Variants in DPP4 observed in about 807,000 individuals in gnomAD.
DPP4 encodes dipeptidyl peptidase 4.
A neutral mutation model predicts 122.4 loss-of-function variants in DPP4; 93 were observed. That is an observed-to-expected ratio of 0.76 (90% CI 0.64 to 0.90). The LOEUF is 0.90. Among genes scored for constraint, DPP4 ranks in the 40% least tolerant of loss-of-function variants. The pLI is 0.00. For missense variants in DPP4, 914 were observed against 907.3 expected (o/e 1.01, Z -0.09); for synonymous variants, 321 against 302.9 (o/e 1.06, Z -0.62).
At position 162,030,413 on chromosome 2, in the gene DPP4, A is replaced by G. The variant is rs145208118; in HGVS notation, c.887+3128T>C. On this transcript the variant is annotated intron_variant, in intron 10 of 25. Coordinates refer to ENST00000360534, the MANE Select transcript of DPP4 (RefSeq NM_001935.4). ...ACAAACCAGCCTCATCCTCCTGTGG[A>G]TTTCACTTGCTGCAGGCTCTGTGGT... 4.1e-3 allele frequency among the ~76,000 whole-genome samples: 628 copies of G among 152,280 alleles called. 3 individuals carry two copies. Among genetic ancestry groups the G allele is most frequent in the African/African-American group, 0.015 (603 of 41,548 alleles).
chr2:162,055,958 C>G (rs1684559354), intron 2 of DPP4, among the ~76,000 whole-genome samples: 1 of 152,232 alleles, frequency 6.6e-6, no homozygotes, highest in African/African-American at 2.4e-5. Flanking sequence ...CACCCAGTGG[C>G]CAGACACACC....
At chr2:162,014,299 GA>G (rs1366262886) in intron 19 of DPP4, 96 bp downstream of exon 19, 189 of 952,542 alleles carry the variant, frequency 2.0e-4, no homozygotes, top group Admixed American at 3.8e-4. Context: ...CAGGAAGAGG[GA>G]AAGGACGCAT....
At chr2:162,065,788 A>G (rs1209563237) in intron 2 of DPP4, among the ~76,000 whole-genome samples, 3 of 152,190 alleles carry the variant, frequency 2.0e-5, no homozygotes, top group Non-Finnish European at 1.5e-5. Flanking sequence ...GTGCTTCCAT[A>G]GCACTTTGAT....
intron 11 of DPP4, 126 bp from the exon 12 acceptor site, chr2:162,022,925 T>A: frequency 1.0e-6 from 1 of 953,718 alleles, no homozygotes; most frequent in Non-Finnish European, 1.7e-6. Context: ...ATTCATATAT[T>A]TCTATTTATG....
intron 8 of DPP4, 110 bp downstream of exon 8, chr2:162,038,192 C>T (rs886817235): frequency 3.7e-6 from 4 of 1,072,096 alleles, no homozygotes; most frequent in Non-Finnish European, 5.2e-6. Context: ...ACATTTTAAA[C>T]AATGAAACTT....
At chr2:162,014,260 G>A in intron 19 of DPP4, 136 bp downstream of exon 19, 2 of 705,550 alleles carry the variant, frequency 2.8e-6, no homozygotes, top group South Asian at 1.8e-5. Context: ...TGGCTGTACA[G>A]TGAAAGGAGG....
rs747418170 is a variant in DPP4 at position 162,016,796 on chromosome 2, T to A, written c.1539A>T (p.Lys513Asn). The change falls in exon 18 of 26, where the codon AAA (lysine) becomes AAT (asparagine). Residue 513 changes from lysine (K) to asparagine (N), a missense_variant. Coordinates refer to ENST00000360534, the MANE Select transcript of DPP4 (RefSeq NM_001935.4). ...TTTCATTCAAAATAATGAAGTCCAGTTTTTTGGAGGGCATCTGGACATTCT... is the reference window on the plus strand; with the variant it reads ...TTTCATTCAAAATAATGAAGTCCAGATTTTTGGAGGGCATCTGGACATTCT... Reference protein sequence around the residue: ...MLQNVQMPSKKLDFIILNETK... With the variant: ...MLQNVQMPSKNLDFIILNETK... The A allele has an allele frequency of 1.3e-5, 21 of 1,612,282 alleles. No homozygotes were observed. In the Admixed American group the frequency reaches 1.3e-4, roughly 10 times the overall value.
intron 15 of DPP4, among the ~76,000 whole-genome samples, 164 bp downstream of exon 15, chr2:162,019,059 C>T (rs1276548985): frequency 1.3e-5 from 2 of 151,840 alleles, no homozygotes; most frequent in Non-Finnish European, 2.9e-5. Flanking sequence ...CGAATAAAGC[C>T]ATTCTCTCTT....
chr2:162,001,541 A>T (rs1701147458), intron 23 of DPP4, among the ~76,000 whole-genome samples: 1 of 152,188 alleles, frequency 6.6e-6, no homozygotes, highest in Admixed American at 6.5e-5. Flanking sequence ...TTTCTAACTG[A>T]CAAAGAATAA....
intron 23 of DPP4, among the ~76,000 whole-genome samples, chr2:162,000,658 G>C (rs1198158254): frequency 6.6e-6 from 1 of 152,222 alleles, no homozygotes; most frequent in Non-Finnish European, 1.5e-5. Context: ...TCTGCTAGCA[G>C]AAGACTGCCA....
intron 2 of DPP4, among the ~76,000 whole-genome samples, chr2:162,051,735 A>G (rs1479424354): frequency 6.6e-6 from 1 of 152,214 alleles, no homozygotes; most frequent in Non-Finnish European, 1.5e-5. Context: ...AACTGACTGA[A>G]TGTCCCTTCA....
intron 10 of DPP4, among the ~76,000 whole-genome samples, chr2:162,030,350 A>G (rs1683500389): frequency 6.6e-6 from 1 of 152,240 alleles, no homozygotes; most frequent in Non-Finnish European, 1.5e-5. Flanking sequence ...TCAGAGAAGC[A>G]GGGCTTCCAC....
In DPP4 at chr2:162,008,614, G is replaced by A. The variant is rs17848910; in HGVS notation, c.1935C>T (p.Gly645=). 6,496 of 1,613,384 alleles carry A rather than the reference G, an allele frequency of 4.0e-3. 128 individuals are homozygous for A. The East Asian group carries it at 0.051, about 13-fold the overall frequency. ...CCACGGCTATTCCACACTTGAACAC[G>A]CCACTTCCCGATCCCAGGACCATTG... The part of the protein sequence containing the change: ...VTSMVLGSGS[G]VFKCGIAVAP... Residue 645 remains glycine, a synonymous_variant, in exon 22 of 26, where the codon GGC becomes GGT. Coordinates refer to ENST00000360534, the MANE Select transcript of DPP4 (RefSeq NM_001935.4).
intron 9 of DPP4, 138 bp downstream of exon 9, chr2:162,035,026 G>T: frequency 1.4e-6 from 1 of 736,048 alleles, no homozygotes; most frequent in Non-Finnish European, 2.1e-6. Context: ...ATTGCCAGAT[G>T]CTGTTGACTT....
intron 23 of DPP4, among the ~76,000 whole-genome samples, chr2:162,002,680 AGAGAGAGAGAG>A (rs1012763481): frequency 3.3e-5 from 5 of 152,132 alleles, no homozygotes; most frequent in African/African-American, 7.2e-5. Flanking sequence ...AGGAAGAGAG[AGAGAGAGAGAG>A]GAGAGAGAGA....
intron 2 of DPP4, among the ~76,000 whole-genome samples, chr2:162,072,592 T>C (rs1685155295): frequency 6.6e-6 from 1 of 152,204 alleles, no homozygotes; most frequent in African/African-American, 2.4e-5. Context: ...GGCTGACTAA[T>C]TTATAGTGTG....
intron 10 of DPP4, among the ~76,000 whole-genome samples, chr2:162,026,233 T>C (rs1290930499): frequency 6.6e-6 from 1 of 152,118 alleles, no homozygotes; most frequent in East Asian, 1.9e-4. Flanking sequence ...CCCTCACAGC[T>C]TCATCATCCC....
rs768490740 is a variant in DPP4, at chr2:162,008,543, C to G, written c.1987+19G>C. On this transcript the variant is annotated intron_variant, in intron 22 of 25. Coordinates refer to ENST00000360534, the MANE Select transcript of DPP4 (RefSeq NM_001935.4). ...GGTCAACACTCCGTATCTCTTTGTACCTGGCAGCAATTACATACCATAGTA... is the reference window on the plus strand; with the variant it reads ...GGTCAACACTCCGTATCTCTTTGTAGCTGGCAGCAATTACATACCATAGTA... The G allele has an allele frequency of 1.9e-6, 3 of 1,605,322 alleles. No individual in the cohort carries two copies. The highest frequency in any genetic ancestry group is 2.6e-6 in the Non-Finnish European group (3 of 1,172,330).
chr2:162,026,872 C>T (rs528128300), intron 10 of DPP4, among the ~76,000 whole-genome samples: 6 of 152,248 alleles, frequency 3.9e-5, no homozygotes, highest in African/African-American at 1.4e-4. Flanking sequence ...GTTTTTTAGA[C>T]CAGACGTTGG....
Sources: gnomAD v4.1 joint callset for allele counts (sites outside exome capture counted in the v4.1 genomes callset) on GRCh38, gnomAD v4.1.1 for gene constraint, MANE v1.5 for transcripts, NCBI Gene and HGNC (gene_info 2026-07-23, HGNC 2026-07-21) for gene names.